The following ATP2C2 variants were observed in gnomAD, a reference collection of about 807,000 sequenced individuals.
The protein encoded by ATP2C2 is calcium-transporting ATPase type 2C member 2.
In ATP2C2, 171 loss-of-function variants were observed where a neutral mutation model predicts 110.8. That is an observed-to-expected ratio of 1.54 (90% CI 1.36 to 1.75). ATP2C2 has a LOEUF of 1.75. Ranked by LOEUF, ATP2C2 falls within the 40% of genes most tolerant of loss-of-function variation. The pLI, the probability that ATP2C2 is intolerant of heterozygous loss-of-function variation, is 0.00. For synonymous variants in ATP2C2, 804 were observed against 508.4 expected, an observed-to-expected ratio of 1.58 and a Z score of -7.82; for missense variants, 1,963 against 1,235.0, an observed-to-expected ratio of 1.59 and a Z score of -8.84.
In ATP2C2 at chr16:84,368,732, C is replaced by A; in HGVS notation, c.99+18C>A. 1 of 1,498,392 alleles carries A rather than the reference C, an allele frequency of 6.7e-7. No homozygotes were observed. The highest frequency in any genetic ancestry group is 2.0e-4 in the Middle Eastern group (1 of 5,066). 92.8% of individuals were successfully genotyped at this position (1,498,392 alleles called of 1,614,324 possible). A position where few individuals can be genotyped will look rare whatever the true frequency, so the allele number is the denominator to read the frequency against. On this transcript the variant is annotated intron_variant, in intron 1 of 26. Transcript: ENST00000262429. ...AAGCCTTGGTGAGTCCCCGCGACTC[C>A]GCGCCGGGCGTGCGACCCGACCCCC...
At chr16:84,378,727 G>A (rs1433161540) in intron 1 of ATP2C2, among the ~76,000 whole-genome samples, 2 of 152,168 alleles carry the variant, frequency 1.3e-5, no homozygotes, top group Non-Finnish European at 2.9e-5. Flanking sequence ...TGATTGTCAG[G>A]CTCACTGCAA....
intron 4 of ATP2C2, 45 bp downstream of exon 4, chr16:84,408,539 G>C: frequency 6.8e-7 from 1 of 1,465,170 alleles, no homozygotes; most frequent in Non-Finnish European, 9.5e-7. Flanking sequence ...GCAGCCACAG[G>C]TCTGCTGAGT....
chr16:84,460,798 G>C lies in ATP2C2; in HGVS notation c.2478G>C (p.Lys826Asn), dbSNP rs371302420. Residue 826 changes from lysine to asparagine, a missense_variant, in exon 24 of 27, where the codon AAG (lysine) becomes AAC (asparagine). Lys to Asn is a moderately conservative substitution (Grantham distance 94). Transcript: ENST00000262429. ...GCGGGACCCTCTTTATCTTCTGGAAGGAGGTGAGCGAGGGTCACCCCGGCC... is the reference window on the plus strand; with the variant it reads ...GCGGGACCCTCTTTATCTTCTGGAACGAGGTGAGCGAGGGTCACCCCGGCC... Reference protein sequence around the residue: ...IISGTLFIFWKEMPEDRASTP... With the variant: ...IISGTLFIFWNEMPEDRASTP... The C allele has an allele frequency of 4.3e-6, 7 of 1,611,544 alleles. No homozygotes were observed. Among genetic ancestry groups the C allele is most frequent in the Middle Eastern group, 3.3e-4 (2 of 6,048 alleles).
chr16:84,394,323 T>C (rs1209087253), intron 1 of ATP2C2, among the ~76,000 whole-genome samples: 2 of 152,116 alleles, frequency 1.3e-5, no homozygotes, highest in African/African-American at 2.4e-5. Flanking sequence ...TCTGAAACAT[T>C]TGAAAGAAAC....
chr16:84,377,632 C>G (rs897174653), intron 1 of ATP2C2, among the ~76,000 whole-genome samples: 1 of 152,080 alleles, frequency 6.6e-6, no homozygotes, highest in Non-Finnish European at 1.5e-5. Context: ...CCACCAATGA[C>G]ATCATTTAGC....
chr16:84,386,508 C>T (rs144976263), intron 1 of ATP2C2, among the ~76,000 whole-genome samples: 18 of 152,314 alleles, frequency 1.2e-4, no homozygotes, highest in East Asian at 1.2e-3. Context: ...TCTGCCTAGC[C>T]GTCTCCTCTT....
At chr16:84,406,100 A>G (rs1465813389) in intron 3 of ATP2C2, among the ~76,000 whole-genome samples, 1 of 152,222 alleles carries the variant, frequency 6.6e-6, no homozygotes, top group Non-Finnish European at 1.5e-5. Context: ...CATAGCTGTG[A>G]GGAGCAGTGC....
chr16:84,443,141 TAGA>T (rs1036725102), intron 15 of ATP2C2, among the ~76,000 whole-genome samples: 31 of 151,844 alleles, frequency 2.0e-4, no homozygotes, highest in African/African-American at 6.3e-4. Context: ...GAGGACAAGT[TAGA>T]AGAAGGAGAG....
intron 21 of ATP2C2, 24 bp from the exon 22 acceptor site, chr16:84,459,096 G>C (rs754530561): frequency 4.3e-6 from 7 of 1,613,772 alleles, no homozygotes; most frequent in East Asian, 2.2e-5. Flanking sequence ...CGCTCCGTGA[G>C]TAAATGGCTC....
Position 84,460,644 on chromosome 16 carries a change from T to G in ATP2C2, c.2334-10T>G, listed in dbSNP as rs752580296. 1 of 1,614,176 alleles carries G rather than the reference T, an allele frequency of 6.2e-7. No individual in the cohort carries two copies. Among genetic ancestry groups the G allele is most frequent in the Admixed American group, 1.7e-5 (1 of 60,022 alleles). On this transcript the variant is annotated splice_polypyrimidine_tract_variant and intron_variant, in intron 23 of 26. Transcript: ENST00000262429. ...TTCATTTCAAAGTGTCTGTGTCTTG[T>G]TCGGAGCAGCTTGGGGGTAGAGCCC... is the stretch of plus-strand genomic sequence containing the variant.
At chr16:84,400,388 G>C (rs867778514) in intron 2 of ATP2C2, among the ~76,000 whole-genome samples, 1 of 150,694 alleles carries the variant, frequency 6.6e-6, no homozygotes, top group African/African-American at 2.5e-5. Context: ...GTGCGGTGGC[G>C]CGATCTCTGC....
Position 84,463,617 on chromosome 16 carries a change from T to G in ATP2C2, c.2726T>G (p.Leu909Trp), listed in dbSNP as rs1199614183. The change falls in exon 27 of 27, where the codon TTG becomes TGG. Residue 909 changes from leucine (L) to tryptophan (W), a missense_variant. Physicochemically the swap from Leu to Trp is moderately conservative, Grantham distance 61. Transcript: ENST00000262429. The stretch of plus-strand genomic sequence containing the variant: ...TTTCTGTTTTCTCCCTTGGCAGATT[T>G]GCTGTTTTTAACTGGATTGGCCTCA... Reference protein sequence around the residue: ...FQTENLGALDLLFLTGLASSV... With the variant: ...FQTENLGALDWLFLTGLASSV... 1.9e-6 allele frequency: 3 copies of G among 1,613,074 alleles called. No homozygotes were observed. Among genetic ancestry groups the G allele is most frequent in the East Asian group, 2.2e-5 (1 of 44,872 alleles).
At chr16:84,397,640 C>T (rs990100681) in intron 1 of ATP2C2, among the ~76,000 whole-genome samples, 2 of 33,264 alleles carry the variant, frequency 6.0e-5, no homozygotes. Flanking sequence ...CACCACTGCA[C>T]TCCAGCCTGG....
Position 84,442,492 on chromosome 16 carries a change from C to T in ATP2C2, c.1312-18C>T, listed in dbSNP as rs1299399725. 25 of 1,613,036 alleles carry T rather than the reference C, an allele frequency of 1.5e-5. 1 individual carries two copies. The highest frequency in any genetic ancestry group is 6.7e-5 in the African/African-American group (5 of 74,890). Reference sequence around the variant, plus strand: ...GAGCCCAGTACTAACTACAGATGTCCGGACAATCCCCTTTTAGGCGGGCTG... The same window carrying T: ...GAGCCCAGTACTAACTACAGATGTCTGGACAATCCCCTTTTAGGCGGGCTG... On this transcript the variant is annotated intron_variant, in intron 14 of 26. Transcript: ENST00000262429.
intron 7 of ATP2C2, among the ~76,000 whole-genome samples, chr16:84,416,620 C>T (rs959923794): frequency 6.6e-6 from 1 of 152,186 alleles, no homozygotes; most frequent in African/African-American, 2.4e-5. Flanking sequence ...GACATTGATC[C>T]TCTCTGCCGT....
chr16:84,398,673 A>C, intron 2 of ATP2C2, 64 bp downstream of exon 2: 1 of 1,341,984 alleles, frequency 7.5e-7, no homozygotes, highest in South Asian at 1.3e-5. Context: ...AGAAAGCAAC[A>C]CAAAGCCCTG....
At chr16:84,393,533 G>T (rs1904786593) in intron 1 of ATP2C2, among the ~76,000 whole-genome samples, 1 of 152,174 alleles carries the variant, frequency 6.6e-6, no homozygotes, top group Non-Finnish European at 1.5e-5. Context: ...AAGTGGATAG[G>T]AAATGAAAAG....
chr16:84,397,294 G>T (rs1905045915), intron 1 of ATP2C2, among the ~76,000 whole-genome samples: 1 of 151,348 alleles, frequency 6.6e-6, no homozygotes, highest in Non-Finnish European at 1.5e-5. Context: ...CTTTTCTTTG[G>T]TTATTTAAAA....
chr16:84,389,720 CTTTT>C (rs3085090), intron 1 of ATP2C2, among the ~76,000 whole-genome samples: 4 of 120,194 alleles, frequency 3.3e-5, no homozygotes, highest in Admixed American at 9.3e-5. Context: ...TCACTGTTTC[CTTTT>C]TTTTTTTTTT....
Sources: gnomAD v4.1 joint callset for allele counts (sites outside exome capture counted in the v4.1 genomes callset) on GRCh38, gnomAD v4.1.1 for gene constraint, MANE v1.5 for transcripts, NCBI Gene and HGNC (gene_info 2026-07-23, HGNC 2026-07-21) for gene names.